The following IFT140 variants were observed in gnomAD, a reference collection of about 807,000 sequenced individuals.
IFT140 encodes intraflagellar transport protein 140 homolog.
In IFT140, 133 loss-of-function variants were observed where a neutral mutation model predicts 164.6. The observed-to-expected ratio is 0.81, with a 90% CI of 0.70 to 0.93. The LOEUF is 0.93. IFT140 is among the 40% of genes least tolerant of loss of function. The probability of loss-of-function intolerance (pLI) is 0.00; values close to 1 mark genes in which losing one functional copy is unlikely to be tolerated. For synonymous variants in IFT140, 860 were observed against 817.3 expected (o/e 1.05, Z -0.89); for missense variants, 2,045 against 1,972.3 (o/e 1.04, Z -0.70).
chr16:1,527,403 G>C (rs578170313), intron 19 of IFT140, among the ~76,000 whole-genome samples: 2 of 152,316 alleles, frequency 1.3e-5, no homozygotes, highest in East Asian at 3.9e-4. Flanking sequence ...CCTGGAGGCA[G>C]GCCTGCAGAC....
intron 7 of IFT140, 33 bp downstream of exon 7, chr16:1,589,572 C>T (rs537184675): frequency 1.0e-4 from 163 of 1,601,826 alleles, no homozygotes; most frequent in Non-Finnish European, 1.3e-4. Flanking sequence ...CCCAAGATCC[C>T]CAGCGTGAGC....
chr16:1,586,353 C>T, intron 9 of IFT140, 78 bp from the exon 10 acceptor site: 1 of 1,435,970 alleles, frequency 7.0e-7, no homozygotes, highest in Non-Finnish European at 9.4e-7. Flanking sequence ...TTCTCTAACC[C>T]CCTTCTTCAA....
At chr16:1,543,530 G>A (rs2031855974) in intron 19 of IFT140, among the ~76,000 whole-genome samples, 1 of 152,234 alleles carries the variant, frequency 6.6e-6, no homozygotes, top group Non-Finnish European at 1.5e-5. Flanking sequence ...CCTGGAACTG[G>A]AGCTGTGTCT....
intron 22 of IFT140, 60 bp downstream of exon 22, chr16:1,525,171 G>A: frequency 7.2e-7 from 1 of 1,380,034 alleles, no homozygotes; most frequent in Non-Finnish European, 1.0e-6. Context: ...GCAAGCCCTG[G>A]GGTCCCTGCA....
intron 19 of IFT140, among the ~76,000 whole-genome samples, chr16:1,538,297 C>A (rs933370088): frequency 1.3e-5 from 2 of 152,186 alleles, no homozygotes; most frequent in African/African-American, 2.4e-5. Flanking sequence ...TGGCACAGGG[C>A]TGTGTGCCTG....
At chr16:1,558,408 C>G (rs2141470408) in intron 18 of IFT140, among the ~76,000 whole-genome samples, 1 of 152,324 alleles carries the variant, frequency 6.6e-6, no homozygotes, top group Non-Finnish European at 1.5e-5. Context: ...AATTAAGTAA[C>G]AGGAGCATGA....
intron 18 of IFT140, among the ~76,000 whole-genome samples, chr16:1,558,604 C>T (rs890771981): frequency 6.6e-6 from 1 of 152,240 alleles, no homozygotes; most frequent in Non-Finnish European, 1.5e-5. Context: ...TGGGCATCTT[C>T]TTACACCCAG....
chr16:1,565,426 G>A (rs773711525), intron 16 of IFT140, among the ~76,000 whole-genome samples: 3 of 152,100 alleles, frequency 2.0e-5, no homozygotes, highest in Non-Finnish European at 2.9e-5. Context: ...GATCTGAGGC[G>A]GAAGGTGTGT....
In IFT140 at chr16:1,520,064, C is replaced by T. The variant is rs376776316; in HGVS notation, c.3874-17G>A. The T allele has an allele frequency of 2.0e-4, 319 of 1,605,622 alleles. No homozygotes were observed. The highest frequency in any genetic ancestry group is 2.6e-4 in the Non-Finnish European group (302 of 1,174,846). ...AATCTCCACCTGTACAGATGAAACC[C>T]GTCAAGACCTGCCGGGCTCCACAGC... is the stretch of plus-strand genomic sequence containing the variant. On this transcript the variant is annotated splice_polypyrimidine_tract_variant and intron_variant, in intron 28 of 30. Transcript: ENST00000426508.
intron 13 of IFT140, among the ~76,000 whole-genome samples, chr16:1,573,281 A>G (rs551933358): frequency 2.0e-5 from 3 of 152,198 alleles, no homozygotes; most frequent in East Asian, 1.9e-4. Flanking sequence ...CAGGGCTGAC[A>G]CTATTAATGA....
intron 16 of IFT140, among the ~76,000 whole-genome samples, chr16:1,565,740 T>C (rs756563245): frequency 8.5e-5 from 13 of 152,234 alleles, no homozygotes; most frequent in Non-Finnish European, 1.5e-4. Context: ...GTTCTCCAAA[T>C]GCCCATTCAG....
intron 16 of IFT140, among the ~76,000 whole-genome samples, chr16:1,565,628 C>T (rs1003496557): frequency 6.6e-6 from 1 of 152,266 alleles, no homozygotes; most frequent in Non-Finnish European, 1.5e-5. Flanking sequence ...GCCTGGCTCA[C>T]GCAGGCTGGG....
intron 6 of IFT140, among the ~76,000 whole-genome samples, 156 bp downstream of exon 6, chr16:1,592,020 G>A (rs544015508): frequency 3.3e-5 from 5 of 152,348 alleles, no homozygotes; most frequent in African/African-American, 7.2e-5. Context: ...GCAGAGAGTG[G>A]CTGCGGCACT....
chr16:1,569,835 C>T (rs764617519), intron 14 of IFT140, among the ~76,000 whole-genome samples: 12 of 151,598 alleles, frequency 7.9e-5, no homozygotes, highest in Non-Finnish European at 1.6e-4. Flanking sequence ...CAATCCACCT[C>T]TCTTGGCCTC....
At chr16:1,548,381 G>A (rs933442807) in intron 19 of IFT140, among the ~76,000 whole-genome samples, 1 of 152,194 alleles carries the variant, frequency 6.6e-6, no homozygotes, top group Admixed American at 6.5e-5. Context: ...CCAAGAAGCC[G>A]CAGGAAGGAA....
chr16:1,557,206 C>T (rs766884616), intron 19 of IFT140, among the ~76,000 whole-genome samples: 20 of 152,318 alleles, frequency 1.3e-4, no homozygotes, highest in East Asian at 7.7e-4. Flanking sequence ...AGGGGCCGGG[C>T]GGTGCTGCTC....
chr16:1,572,426 C>G (rs1456037468), intron 13 of IFT140, among the ~76,000 whole-genome samples: 1 of 152,206 alleles, frequency 6.6e-6, no homozygotes, highest in Admixed American at 6.5e-5. Flanking sequence ...GCGCGTGGAT[C>G]ATGAGGTCAG....
intron 26 of IFT140, among the ~76,000 whole-genome samples, chr16:1,521,184 G>A (rs988449822): frequency 6.6e-6 from 1 of 151,104 alleles, no homozygotes; most frequent in Non-Finnish European, 1.5e-5. Context: ...CAGTGGTGCA[G>A]TCACGGCAGC....
intron 19 of IFT140, among the ~76,000 whole-genome samples, chr16:1,539,271 T>C (rs2031396687): frequency 6.7e-6 from 1 of 148,430 alleles, no homozygotes; most frequent in Non-Finnish European, 1.5e-5. Context: ...ACCCCACACC[T>C]TGGGCCTCAC....
Sources: allele counts gnomAD v4.1 joint callset (sites outside exome capture counted in the v4.1 genomes callset), GRCh38; gene constraint gnomAD v4.1.1; transcripts MANE v1.5; gene names NCBI Gene and HGNC (gene_info 2026-07-23, HGNC 2026-07-21).